The following SLIT2 variants were observed in gnomAD, a reference collection of about 807,000 sequenced individuals.
SLIT2 encodes slit guidance ligand 2.
Under a neutral mutation model 185.7 loss-of-function variants are expected in SLIT2, and 41 were observed. The ratio of observed to expected loss-of-function variants is 0.22; its 90% CI spans 0.17 to 0.29. The LOEUF (loss-of-function observed/expected upper bound fraction) is 0.29. Among genes scored for constraint, SLIT2 ranks in the 10% least tolerant of loss-of-function variants. The pLI is 1.00. For synonymous variants in SLIT2, 693 were observed against 680.2 expected (o/e 1.02, Z -0.29); for missense variants, 1,571 against 1,909.0 (o/e 0.82, Z 3.30).
chr4:20,256,917 CTTTTA>C (rs774602117), intron 2 of SLIT2, among the ~76,000 whole-genome samples, 174 bp downstream of exon 2: 8 of 151,954 alleles, frequency 5.3e-5, no homozygotes, highest in South Asian at 2.1e-4. Context: ...AAAATTGGGG[CTTTTA>C]TTTTAAGGTT....
chr4:20,356,953 G>A (rs142422359), intron 4 of SLIT2, among the ~76,000 whole-genome samples: 4 of 152,164 alleles, frequency 2.6e-5, no homozygotes, highest in South Asian at 2.1e-4. Context: ...TCTGTAGGGC[G>A]TGCAAGTTTA....
intron 4 of SLIT2, among the ~76,000 whole-genome samples, chr4:20,315,564 T>A (rs1180761678): frequency 6.6e-6 from 1 of 152,080 alleles, no homozygotes; most frequent in Non-Finnish European, 1.5e-5. Flanking sequence ...TGGAGGTTGT[T>A]GAAGGGAGAA....
intron 4 of SLIT2, among the ~76,000 whole-genome samples, chr4:20,348,169 A>G (rs1339674532): frequency 2.0e-5 from 3 of 152,152 alleles, no homozygotes; most frequent in African/African-American, 4.8e-5. Context: ...TTAGTGAGCA[A>G]CCAAATCACC....
intron 4 of SLIT2, among the ~76,000 whole-genome samples, chr4:20,369,462 C>A (rs1723393560): frequency 6.6e-6 from 1 of 152,144 alleles, no homozygotes; most frequent in African/African-American, 2.4e-5. Flanking sequence ...TTTCGTTCTA[C>A]AACAGCAGTT....
At chr4:20,492,476 G>C (rs192195386) in intron 9 of SLIT2, among the ~76,000 whole-genome samples, 1 of 152,164 alleles carries the variant, frequency 6.6e-6, no homozygotes, top group Non-Finnish European at 1.5e-5. Context: ...TATTGCACAC[G>C]TATTTTGTAT....
chr4:20,329,075 C>T (rs1719846307), intron 4 of SLIT2, among the ~76,000 whole-genome samples: 1 of 151,972 alleles, frequency 6.6e-6, no homozygotes, highest in African/African-American at 2.4e-5. Flanking sequence ...TAACGAATGT[C>T]CACTAGATAG....
chr4:20,480,839 A>C (rs113988622), intron 6 of SLIT2, 52 bp downstream of exon 6: 1 of 1,289,332 alleles, frequency 7.8e-7, no homozygotes. Context: ...GTGTCTGGAC[A>C]GGACTAATGT....
chr4:20,286,178 C>A (rs73803858), intron 4 of SLIT2, among the ~76,000 whole-genome samples: 4,865 of 152,258 alleles, frequency 0.032, 106 homozygotes, highest in East Asian at 0.076. Context: ...AATAAAAACA[C>A]TATACAATGT....
At chr4:20,276,716 G>T (rs902884261) in intron 4 of SLIT2, among the ~76,000 whole-genome samples, 2 of 152,196 alleles carry the variant, frequency 1.3e-5, no homozygotes, top group African/African-American at 4.8e-5. Context: ...CTCGAAGTAT[G>T]TGAATAGCTG....
At chr4:20,328,447 T>A (rs1052456723) in intron 4 of SLIT2, among the ~76,000 whole-genome samples, 4 of 152,050 alleles carry the variant, frequency 2.6e-5, no homozygotes, top group African/African-American at 7.2e-5. Context: ...AGTACCAAAC[T>A]CCTAAAATTT....
At chr4:20,380,465 T>G (rs985079983) in intron 4 of SLIT2, among the ~76,000 whole-genome samples, 2 of 152,078 alleles carry the variant, frequency 1.3e-5, no homozygotes, top group Admixed American at 6.6e-5. Context: ...TAGAAAAAGT[T>G]TCAGATAGCA....
intron 29 of SLIT2, among the ~76,000 whole-genome samples, chr4:20,580,196 G>T (rs1211474047): frequency 6.6e-6 from 1 of 150,730 alleles, no homozygotes; most frequent in African/African-American, 2.4e-5. Context: ...AAGTAGCTGG[G>T]ATTACAGATG....
intron 4 of SLIT2, among the ~76,000 whole-genome samples, chr4:20,334,164 C>T (rs1720298847): frequency 6.6e-6 from 1 of 152,078 alleles, no homozygotes; most frequent in Admixed American, 6.6e-5. Flanking sequence ...AAATTAAATA[C>T]TGAGGGAAAA....
chr4:20,572,357 T>G (rs1271577466), intron 29 of SLIT2, among the ~76,000 whole-genome samples: 3 of 152,226 alleles, frequency 2.0e-5, no homozygotes, highest in Non-Finnish European at 2.9e-5. Context: ...ATCCCTATAC[T>G]ATTAAGAAAG....
intron 4 of SLIT2, among the ~76,000 whole-genome samples, chr4:20,408,898 A>T (rs534553340): frequency 6.6e-6 from 1 of 152,324 alleles, no homozygotes; most frequent in South Asian, 2.1e-4. Context: ...ATGGAAAGAA[A>T]GAATACCATC....
At chr4:20,380,264 C>T (rs1292203795) in intron 4 of SLIT2, among the ~76,000 whole-genome samples, 1 of 152,150 alleles carries the variant, frequency 6.6e-6, no homozygotes, top group Non-Finnish European at 1.5e-5. Flanking sequence ...ATAAGCATTT[C>T]TCAAAATGAA....
chr4:20,444,832 T>C (rs902656049), intron 4 of SLIT2, among the ~76,000 whole-genome samples: 1 of 152,174 alleles, frequency 6.6e-6, no homozygotes, highest in African/African-American at 2.4e-5. Flanking sequence ...GATCCACCTA[T>C]TCCAGGAAGC....
rs990817314 is a variant in SLIT2, at chr4:20,511,150, T to C, written c.1058+13T>C. 2 of 1,539,630 alleles carry C rather than the reference T, an allele frequency of 1.3e-6. No individual in the cohort carries two copies. Among genetic ancestry groups the C allele is most frequent in the Admixed American group, 3.4e-5 (2 of 59,534 alleles). ...CTCTGAATTCACTGTAAGTATTCAC[T>C]GTGTCACTGAAGGAAAAGAGAAGCC... On this transcript the variant is annotated intron_variant, in intron 11 of 36. Coordinates refer to ENST00000504154, the MANE Select transcript of SLIT2 (RefSeq NM_004787.4).
At chr4:20,283,418 A>T (rs1321706766) in intron 4 of SLIT2, among the ~76,000 whole-genome samples, 1 of 152,166 alleles carries the variant, frequency 6.6e-6, no homozygotes, top group East Asian at 1.9e-4. Context: ...TGCAAAACTA[A>T]TTTGTTCAGT....
Sources: allele counts gnomAD v4.1 joint callset (sites outside exome capture counted in the v4.1 genomes callset), GRCh38; gene constraint gnomAD v4.1.1; transcripts MANE v1.5; gene names NCBI Gene and HGNC (gene_info 2026-07-23, HGNC 2026-07-21).